The following PLAAT3 variants were observed in gnomAD, a reference collection of about 807,000 sequenced individuals.
PLAAT3 encodes phospholipase A and acyltransferase 3.
PLAAT3 carries 21 observed loss-of-function variants against 16.7 expected under a neutral mutation model. The observed-to-expected ratio is 1.26, with a 90% CI of 0.89 to 1.81. The LOEUF (loss-of-function observed/expected upper bound fraction) is 1.81. PLAAT3 is among the 40% of genes most tolerant of loss of function. The pLI is 0.00. For missense variants in PLAAT3, 219 were observed against 213.7 expected, an observed-to-expected ratio of 1.02 and a Z score of -0.16; for synonymous variants, 76 against 81.7, an observed-to-expected ratio of 0.93 and a Z score of 0.38.
chr11:63,580,036 C>T (rs2134392885), intron 4 of PLAAT3, among the ~76,000 whole-genome samples: 1 of 152,242 alleles, frequency 6.6e-6, no homozygotes, highest in East Asian at 1.9e-4. Flanking sequence ...GAATTTACCT[C>T]CCATGCATCC....
rs754026959 is a variant in PLAAT3 at position 63,590,268 on chromosome 11, C to T, written c.219G>A (p.Lys73=). The T allele has an allele frequency of 1.2e-6, 2 of 1,614,226 alleles. No homozygotes were observed. The highest frequency in any genetic ancestry group is 3.3e-5 in the Admixed American group (2 of 60,030). The change falls in exon 4 of 5, where the codon AAG becomes AAA. Residue 73 remains lysine, a synonymous_variant. Transcript: ENST00000415826. ...CATCATGTTTGTTGTTGACCTGGTA[C>T]TTGTCACTCCCGGCCACATCATACA... ...ELLYDVAGSD[K]YQVNNKHDDK...
intron 2 of PLAAT3, among the ~76,000 whole-genome samples, chr11:63,598,930 G>C (rs1938358510): frequency 6.6e-6 from 1 of 152,162 alleles, no homozygotes; most frequent in African/African-American, 2.4e-5. Flanking sequence ...ATGTGAGAAG[G>C]GGAAGGTAGG....
At chr11:63,579,348 C>T (rs1220966460) in intron 4 of PLAAT3, among the ~76,000 whole-genome samples, 5 of 152,278 alleles carry the variant, frequency 3.3e-5, no homozygotes, top group Non-Finnish European at 5.9e-5. Context: ...AGAAATAACA[C>T]TTGACCCAGC....
Position 63,589,233 on chromosome 11 carries a change from G to A in PLAAT3, c.387+867C>T, listed in dbSNP as rs370350370. Among the ~76,000 whole-genome samples the A allele has an allele frequency of 1.8e-3, 275 of 152,006 alleles. 11 individuals carry two copies. The South Asian group carries it at 0.055, about 30-fold the overall frequency. Reference sequence around the variant, plus strand: ...CCAGCCCACGTTGGCCTGACTCCAGGAGCCCAGGCTCTTAACCACCACACT... The same window carrying A: ...CCAGCCCACGTTGGCCTGACTCCAGAAGCCCAGGCTCTTAACCACCACACT... On this transcript the variant is annotated intron_variant, in intron 4 of 4. Transcript: ENST00000415826.
intron 4 of PLAAT3, among the ~76,000 whole-genome samples, chr11:63,583,884 G>A (rs1013900480): frequency 1.3e-5 from 2 of 152,072 alleles, no homozygotes; most frequent in Non-Finnish European, 2.9e-5. Flanking sequence ...GTTAAGCCTT[G>A]ATTTAGGGAA....
chr11:63,584,563 G>T (rs1937914664), intron 4 of PLAAT3, among the ~76,000 whole-genome samples: 1 of 150,248 alleles, frequency 6.7e-6, no homozygotes, highest in East Asian at 1.9e-4. Context: ...GCCCAGGCTG[G>T]AGTACAGTGG....
At chr11:63,602,190 T>C (rs1274907213) in intron 2 of PLAAT3, among the ~76,000 whole-genome samples, 1 of 150,848 alleles carries the variant, frequency 6.6e-6, no homozygotes, top group East Asian at 2.0e-4. Flanking sequence ...CTTGGGAGGC[T>C]GAGGCAGGAG....
chr11:63,575,081 T>C (rs2017641643), intron 4 of PLAAT3, 35 bp from the exon 5 acceptor site: 9 of 1,409,546 alleles, frequency 6.4e-6, no homozygotes, highest in Non-Finnish European at 9.0e-6. Context: ...ACACTCTGTG[T>C]CAGGATCCAG....
intron 3 of PLAAT3, among the ~76,000 whole-genome samples, chr11:63,592,533 C>T (rs1173559256): frequency 6.6e-6 from 1 of 152,176 alleles, no homozygotes; most frequent in Non-Finnish European, 1.5e-5. Flanking sequence ...TGAACAATCA[C>T]AGAAAGAGCA....
intron 2 of PLAAT3, among the ~76,000 whole-genome samples, chr11:63,599,612 T>C (rs938907533): frequency 2.6e-5 from 4 of 152,266 alleles, no homozygotes; most frequent in Admixed American, 2.0e-4. Flanking sequence ...TTGCAGTAAA[T>C]ATAATTTCTT....
At chr11:63,600,468 G>A (rs1420679846) in intron 2 of PLAAT3, among the ~76,000 whole-genome samples, 8 of 152,158 alleles carry the variant, frequency 5.3e-5, no homozygotes, top group East Asian at 1.9e-4. Context: ...ACTACAGCAC[G>A]GAAAAGTGAT....
intron 4 of PLAAT3, among the ~76,000 whole-genome samples, chr11:63,588,007 A>G (rs1446373688): frequency 1.3e-5 from 2 of 152,094 alleles, no homozygotes; most frequent in African/African-American, 2.4e-5. Flanking sequence ...TGAGCTCAGG[A>G]GTTCAAGACC....
At chr11:63,614,313 G>T (rs1016147902) in intron 1 of PLAAT3, 72 bp downstream of exon 1, 1 of 456,392 alleles carries the variant, frequency 2.2e-6, no homozygotes. Flanking sequence ...TCTTCCTCGC[G>T]GAAGGGGAGA....
chr11:63,599,869 G>A (rs1039543411), intron 2 of PLAAT3, among the ~76,000 whole-genome samples: 1 of 152,186 alleles, frequency 6.6e-6, no homozygotes, highest in African/African-American at 2.4e-5. Flanking sequence ...GAGATGGTGT[G>A]GACATCAGTA....
intron 4 of PLAAT3, among the ~76,000 whole-genome samples, chr11:63,586,131 T>TGC (rs1555043243): frequency 1.9e-3 from 295 of 151,776 alleles, no homozygotes; most frequent in African/African-American, 6.3e-3. Context: ...TGTGTGTGTG[T>TGC]GCACGTGTAT....
intron 2 of PLAAT3, among the ~76,000 whole-genome samples, chr11:63,613,107 A>T (rs1476200352): frequency 6.6e-6 from 1 of 152,142 alleles, no homozygotes; most frequent in Non-Finnish European, 1.5e-5. Flanking sequence ...TCTGAGTATT[A>T]AGTGATATAA....
At chr11:63,586,036 G>A (rs1937963101) in intron 4 of PLAAT3, among the ~76,000 whole-genome samples, 1 of 152,150 alleles carries the variant, frequency 6.6e-6, no homozygotes, top group South Asian at 2.1e-4. Context: ...AGACAACAAA[G>A]TGAGACCCTG....
upstream of PLAAT3, among the ~76,000 whole-genome samples, chr11:63,615,056 A>ATATGTG (rs1565259549): frequency 0.023 from 642 of 27,430 alleles, 47 homozygotes; most frequent in African/African-American, 0.062. Context: ...ATATATGTGT[A>ATATGTG]TATATATGTG....
At chr11:63,605,116 G>A (rs573757593) in intron 2 of PLAAT3, among the ~76,000 whole-genome samples, 9 of 152,244 alleles carry the variant, frequency 5.9e-5, no homozygotes, top group East Asian at 1.9e-4. Flanking sequence ...AATTGAGGCC[G>A]GGCGCAGTGG....
Sources: allele counts gnomAD v4.1 joint callset (sites outside exome capture counted in the v4.1 genomes callset), GRCh38; gene constraint gnomAD v4.1.1; transcripts MANE v1.5; gene names NCBI Gene and HGNC (gene_info 2026-07-23, HGNC 2026-07-21).